The following FSIP1 variants were observed in gnomAD, a reference collection of about 807,000 sequenced individuals.
FSIP1 encodes the protein fibrous sheath-interacting protein 1.
Under a neutral mutation model 60.9 loss-of-function variants are expected in FSIP1, and 65 were observed. That is an observed-to-expected ratio of 1.07 (90% CI 0.87 to 1.31). FSIP1 has a LOEUF of 1.31. Among genes scored for constraint, FSIP1 ranks in the 40% most tolerant of loss-of-function variants. The probability of loss-of-function intolerance (pLI) is 0.00; values close to 1 mark genes in which losing one functional copy is unlikely to be tolerated. For missense variants in FSIP1, 675 were observed against 665.5 expected, an observed-to-expected ratio of 1.01 and a Z score of -0.16; for synonymous variants, 209 against 221.2, an observed-to-expected ratio of 0.94 and a Z score of 0.49.
intron 3 of FSIP1, among the ~76,000 whole-genome samples, chr15:39,769,489 C>T (rs1248133551): frequency 6.6e-6 from 1 of 152,180 alleles, no homozygotes; most frequent in Non-Finnish European, 1.5e-5. Context: ...GTTTGTCAGT[C>T]ATTCTTTCAA....
chr15:39,780,656 A>G (rs1898231875), intron 1 of FSIP1, among the ~76,000 whole-genome samples: 1 of 152,278 alleles, frequency 6.6e-6, no homozygotes, highest in South Asian at 2.1e-4. Context: ...GGTATATAGA[A>G]TATTTGCTAT....
intron 11 of FSIP1, among the ~76,000 whole-genome samples, chr15:39,603,500 CG>C (rs1437123687): frequency 6.6e-6 from 1 of 152,168 alleles, no homozygotes; most frequent in Non-Finnish European, 1.5e-5. Flanking sequence ...TCAAGGCAGA[CG>C]GAAGTAGAGA....
chr15:39,772,734 G>C (rs1897931656), intron 2 of FSIP1, among the ~76,000 whole-genome samples: 1 of 151,940 alleles, frequency 6.6e-6, no homozygotes, highest in Non-Finnish European at 1.5e-5. Context: ...GGGATTACAG[G>C]CACCCACCAC....
intron 9 of FSIP1, among the ~76,000 whole-genome samples, chr15:39,718,900 C>G (rs1216035748): frequency 6.6e-6 from 1 of 152,190 alleles, no homozygotes; most frequent in Non-Finnish European, 1.5e-5. Flanking sequence ...AGCTTCCAAT[C>G]CAATCAGCTG....
intron 10 of FSIP1, among the ~76,000 whole-genome samples, chr15:39,632,257 A>T (rs1566860621): frequency 6.6e-6 from 1 of 152,120 alleles, no homozygotes; most frequent in Non-Finnish European, 1.5e-5. Context: ...GGCTCACTAC[A>T]ATCTCCACCT....
chr15:39,764,003 C>T, intron 4 of FSIP1, 89 bp from the exon 5 acceptor site: 1 of 712,298 alleles, frequency 1.4e-6, no homozygotes, highest in Non-Finnish European at 2.5e-6. Flanking sequence ...CTCCCAATCA[C>T]ATACGTACAA....
In FSIP1 at chr15:39,776,457, C is replaced by T; in HGVS notation, c.68G>A (p.Gly23Glu). ...KPASNSRIRP[G>E]SRSSNASLEV... ...CAAAGAAGCATTTGAACTTCTGCTC[C>T]CAGGGCGTATTCTTGAATTTGAAGC... The change falls in exon 2 of 12, where the codon GGG becomes GAG. Residue 23 changes from glycine to glutamate, a missense_variant. Coordinates refer to ENST00000350221, the MANE Select transcript of FSIP1 (RefSeq NM_152597.5). The T allele has an allele frequency of 6.2e-7, 1 of 1,613,522 alleles. No individual in the cohort carries two copies. Among genetic ancestry groups the T allele is most frequent in the East Asian group, 2.2e-5 (1 of 44,854 alleles).
intron 7 of FSIP1, among the ~76,000 whole-genome samples, chr15:39,738,883 A>G (rs1220124981): frequency 2.0e-5 from 3 of 152,220 alleles, no homozygotes; most frequent in Non-Finnish European, 4.4e-5. Context: ...GTTTGCCTGG[A>G]AATGATGTGC....
rs115218562 is a variant in FSIP1 at position 39,700,466 on chromosome 15, G to C, written c.1188+12978C>G. On this transcript the variant is annotated intron_variant, in intron 10 of 11. Transcript: ENST00000350221. ...AGCATTTTATTTATTTGTTTGCATT[G>C]AATTAAATCTGGATTTGTTTTGTCT... 9.4e-3 allele frequency among the ~76,000 whole-genome samples: 1,433 copies of C among 152,186 alleles called. 21 individuals carry two copies. Among genetic ancestry groups the C allele is most frequent in the African/African-American group, 0.033 (1,353 of 41,510 alleles).
chr15:39,713,372 G>T, intron 10 of FSIP1, 72 bp downstream of exon 10: 1 of 1,418,252 alleles, frequency 7.1e-7, no homozygotes, highest in African/African-American at 1.5e-5. Flanking sequence ...TTCGAGACCA[G>T]CCTGGGCAAC....
intron 10 of FSIP1, among the ~76,000 whole-genome samples, chr15:39,626,050 G>A (rs28619289): frequency 0.2 from 30,244 of 151,980 alleles, 3,679 homozygotes; most frequent in African/African-American, 0.34. Context: ...AGTAGTCAAG[G>A]AGGCCATTAG....
intron 10 of FSIP1, among the ~76,000 whole-genome samples, chr15:39,694,963 C>T (rs1293721890): frequency 6.6e-6 from 1 of 151,996 alleles, no homozygotes; most frequent in East Asian, 1.9e-4. Flanking sequence ...TTTCTTAGCC[C>T]ATTTATCTGC....
intron 1 of FSIP1, among the ~76,000 whole-genome samples, chr15:39,777,671 C>T (rs1013529217): frequency 9.9e-5 from 15 of 152,204 alleles, no homozygotes; most frequent in Admixed American, 2.6e-4. Context: ...TGGGGCAACA[C>T]GCATGCTGAG....
intron 5 of FSIP1, among the ~76,000 whole-genome samples, chr15:39,749,051 T>C (rs1483256284): frequency 2.6e-5 from 4 of 151,844 alleles, no homozygotes; most frequent in Non-Finnish European, 5.9e-5. Context: ...TTTGATAACC[T>C]AGAGGAAATG....
chr15:39,770,318 A>T, intron 3 of FSIP1, 109 bp downstream of exon 3: 1 of 784,918 alleles, frequency 1.3e-6, no homozygotes, highest in Non-Finnish European at 1.9e-6. Context: ...TTTATTATTT[A>T]TATTTAGTTG....
chr15:39,736,690 G>C (rs1267141708), intron 8 of FSIP1, among the ~76,000 whole-genome samples: 3 of 152,212 alleles, frequency 2.0e-5, no homozygotes, highest in African/African-American at 7.2e-5. Context: ...CTGAATCTCT[G>C]TGTCCCTAGA....
intron 6 of FSIP1, among the ~76,000 whole-genome samples, chr15:39,740,853 G>A (rs1896779268): frequency 6.7e-6 from 1 of 150,176 alleles, no homozygotes. Flanking sequence ...GTAGCTTTGA[G>A]TAAAAAAAAA....
intron 10 of FSIP1, among the ~76,000 whole-genome samples, chr15:39,626,843 G>A (rs576404798): frequency 6.6e-6 from 1 of 152,124 alleles, no homozygotes; most frequent in South Asian, 2.1e-4. Flanking sequence ...AGTTAGACAA[G>A]GCTTCAGGTA....
intron 10 of FSIP1, among the ~76,000 whole-genome samples, chr15:39,666,790 G>A (rs1316895510): frequency 6.6e-6 from 1 of 152,150 alleles, no homozygotes; most frequent in African/African-American, 2.4e-5. Context: ...CAAGTACTTT[G>A]CTCCTTCACA....
Sources: allele counts gnomAD v4.1 joint callset (sites outside exome capture counted in the v4.1 genomes callset), GRCh38; gene constraint gnomAD v4.1.1; transcripts MANE v1.5; gene names NCBI Gene and HGNC (gene_info 2026-07-23, HGNC 2026-07-21).